Variants in MYCBP2 observed in about 807,000 individuals in gnomAD.
MYCBP2 encodes MYC binding protein 2.
In MYCBP2, 120 loss-of-function variants were observed where a neutral mutation model predicts 525.3. The observed-to-expected ratio is 0.23, with a 90% CI of 0.20 to 0.27. MYCBP2 has a LOEUF of 0.27. Ranked by LOEUF, MYCBP2 falls within the 10% of genes least tolerant of loss-of-function variation. The probability of loss-of-function intolerance (pLI) is 1.00; values close to 1 mark genes in which losing one functional copy is unlikely to be tolerated. For missense variants in MYCBP2, 4,149 were observed against 5,657.1 expected, an observed-to-expected ratio of 0.73 and a Z score of 8.55; for synonymous variants, 1,894 against 1,955.8, an observed-to-expected ratio of 0.97 and a Z score of 0.83.
rs771127852 is a variant in MYCBP2 at position 77,217,895 on chromosome 13, T to C, written c.3002A>G (p.Asn1001Ser). ...GPSTQVTAGS[N>S]HTAVLLMDGQ... The stretch of plus-strand genomic sequence containing the variant: ...ATCCATTAAAAGTACTGCCGTATGG[T>C]TGCTGCCTGCAGTGACTTGTGTGCT... The change falls in exon 21 of 83, where the codon AAC becomes AGC. Residue 1001 changes from asparagine (N) to serine (S), a missense_variant. Coordinates refer to ENST00000544440, the MANE Select transcript of MYCBP2 (RefSeq NM_015057.5). 3.7e-6 allele frequency: 6 copies of C among 1,612,188 alleles called. No individual in the cohort carries two copies. Among genetic ancestry groups the C allele is most frequent in the East Asian group, 2.2e-5 (1 of 44,768 alleles).
Position 77,126,477 on chromosome 13 carries a change from T to C in MYCBP2, c.7725A>G (p.Thr2575=), listed in dbSNP as rs754073175. The C allele has an allele frequency of 9.3e-6, 15 of 1,613,974 alleles. No individual in the cohort carries two copies. Among genetic ancestry groups the C allele is most frequent in the Non-Finnish European group, 1.3e-5 (15 of 1,179,848 alleles). Residue 2575 remains threonine, a synonymous_variant, in exon 53 of 83, where the codon ACA becomes ACG. Coordinates refer to ENST00000544440, the MANE Select transcript of MYCBP2 (RefSeq NM_015057.5). ...DINSCCPQEA[T]MQEQDMPFLR... is the part of the protein sequence containing the mutation. ...AGAATGGCATATCTTGTTCTTGCAT[T>C]GTTGCTTCCTGTGGGCAGCAGGAGT...
chr13:77,206,586 C>A, intron 24 of MYCBP2, 67 bp downstream of exon 24: 1 of 1,335,148 alleles, frequency 7.5e-7, no homozygotes, highest in Admixed American at 2.7e-5. Context: ...AATTTAAATA[C>A]TCTAAAAAAA....
chr13:77,125,014 A>G (rs2051401651), intron 54 of MYCBP2, among the ~76,000 whole-genome samples: 1 of 152,206 alleles, frequency 6.6e-6, no homozygotes, highest in Admixed American at 6.5e-5. Flanking sequence ...TCATTTTATT[A>G]TAGAAGGGAT....
intron 21 of MYCBP2, among the ~76,000 whole-genome samples, chr13:77,215,830 A>G (rs1312952083): frequency 1.3e-5 from 2 of 152,104 alleles, no homozygotes; most frequent in African/African-American, 4.8e-5. Flanking sequence ...ATCCTCCTAC[A>G]CTGGCCTGCC....
intron 45 of MYCBP2, among the ~76,000 whole-genome samples, chr13:77,157,414 G>C (rs533253897): frequency 6.6e-6 from 1 of 152,250 alleles, no homozygotes; most frequent in East Asian, 1.9e-4. Context: ...TGTAGACACA[G>C]GATTTCACCA....
chr13:77,058,162 A>T lies in MYCBP2; in HGVS notation c.13329+56T>A. 1 of 1,568,404 alleles carries T rather than the reference A, an allele frequency of 6.4e-7. No individual in the cohort carries two copies. Among genetic ancestry groups the T allele is most frequent in the Non-Finnish European group, 8.7e-7 (1 of 1,150,402 alleles). On this transcript the variant is annotated intron_variant, in intron 78 of 82. Transcript: ENST00000544440. This position sits in a 1 kb window ranked among gnomAD's most constrained non-coding sequence, Gnocchi z 4.1. ...GCCTCAATCAATGTTTATTTGACAA[A>T]TATATTCCCCATCTTAATGTCTGGA...
intron 68 of MYCBP2, among the ~76,000 whole-genome samples, chr13:77,072,300 G>GAAAAAAAAAAAAA (rs56238720): frequency 3.3e-5 from 4 of 121,192 alleles, no homozygotes; most frequent in Non-Finnish European, 3.4e-5. Flanking sequence ...CAAAAAAAAA[G>GAAAAAAAAAAAAA]AAAAAAAAAA....
chr13:77,250,222 CA>C (rs34137754), intron 15 of MYCBP2, among the ~76,000 whole-genome samples: 61 of 125,164 alleles, frequency 4.9e-4, no homozygotes, highest in Middle Eastern at 4.4e-3. Context: ...GACTCCGTCT[CA>C]AAAAAAAAAA....
chr13:77,122,689 C>CAAA (rs771487864), intron 54 of MYCBP2, among the ~76,000 whole-genome samples: 14 of 52,358 alleles, frequency 2.7e-4, no homozygotes, highest in African/African-American at 7.0e-4. Flanking sequence ...GACTCCATCT[C>CAAA]AAAAAAAAAA....
chr13:77,066,121 A>G, intron 71 of MYCBP2, 33 bp from the exon 72 acceptor site: 1 of 1,410,208 alleles, frequency 7.1e-7, no homozygotes, highest in Non-Finnish European at 1.0e-6. Context: ...AAAAGCCAAT[A>G]AATTATCAGT....
chr13:77,168,719 T>C (rs891772009), intron 39 of MYCBP2, 73 bp from the exon 40 acceptor site: 36 of 1,360,426 alleles, frequency 2.6e-5, no homozygotes, highest in Non-Finnish European at 3.6e-5. Context: ...ATTACAATAA[T>C]TGTTGGTTAC....
intron 17 of MYCBP2, among the ~76,000 whole-genome samples, chr13:77,237,101 G>T (rs1435298324): frequency 6.6e-6 from 1 of 151,998 alleles, no homozygotes; most frequent in Admixed American, 6.6e-5. Context: ...CTAAGTTTAA[G>T]AATATTTATT....
intron 1 of MYCBP2, among the ~76,000 whole-genome samples, chr13:77,318,400 T>C (rs933438688): frequency 6.6e-6 from 1 of 152,140 alleles, no homozygotes; most frequent in Admixed American, 6.5e-5. Flanking sequence ...AACAAATGAG[T>C]AGACATTTGA....
chr13:77,325,565 C>A (rs536033908), intron 1 of MYCBP2, among the ~76,000 whole-genome samples: 1 of 152,266 alleles, frequency 6.6e-6, no homozygotes, highest in Admixed American at 6.5e-5. Context: ...TGTAGCCAAC[C>A]CAAGTAAAAG....
chr13:77,315,274 G>A, intron 1 of MYCBP2, among the ~76,000 whole-genome samples: 1 of 152,100 alleles, frequency 6.6e-6, no homozygotes. Flanking sequence ...ACTGGGTAGG[G>A]TAGGATTACT....
intron 68 of MYCBP2, among the ~76,000 whole-genome samples, chr13:77,071,271 G>GCACACGCACA (rs1555305949): frequency 1.6e-4 from 23 of 142,736 alleles, no homozygotes; most frequent in Non-Finnish European, 3.0e-5. Flanking sequence ...GTGTGCACAC[G>GCACACGCACA]CACACACACA....
At chr13:77,316,832 G>A (rs904772066) in intron 1 of MYCBP2, among the ~76,000 whole-genome samples, 7 of 152,152 alleles carry the variant, frequency 4.6e-5, no homozygotes, top group Non-Finnish European at 1.0e-4. Context: ...GAAGTACCAA[G>A]AGACACCTTA....
chr13:77,150,821 A>G lies in MYCBP2; in HGVS notation c.7044T>C (p.Tyr2348=), dbSNP rs556255849. ...TAASSNTDMT[Y]GGLASPKLDV... ...CTAGCTTTGGTGATGCCAGCCCTCC[A>G]TAAGTCATGTCAGTATTAGAAGATG... The change falls in exon 47 of 83, where the codon TAT becomes TAC. Residue 2348 remains tyrosine, a synonymous_variant. Transcript: ENST00000544440. The G allele has an allele frequency of 2.5e-6, 4 of 1,614,164 alleles. No individual in the cohort carries two copies. Among genetic ancestry groups the G allele is most frequent in the African/African-American group, 1.3e-5 (1 of 75,070 alleles).
intron 36 of MYCBP2, 99 bp downstream of exon 36, chr13:77,176,398 T>A (rs2059707499): frequency 9.9e-7 from 1 of 1,013,496 alleles, no homozygotes; most frequent in Non-Finnish European, 1.3e-6. Flanking sequence ...AACTTACAAA[T>A]AGCTATAGGT....
Sources: allele counts gnomAD v4.1 joint callset (sites outside exome capture counted in the v4.1 genomes callset), GRCh38; gene constraint gnomAD v4.1.1; non-coding constraint Gnocchi (gnomAD v3.1); transcripts MANE v1.5; gene names NCBI Gene and HGNC (gene_info 2026-07-23, HGNC 2026-07-21).